The following COX11 variants were observed in gnomAD, a reference collection of about 807,000 sequenced individuals.
The protein encoded by COX11 is cytochrome c oxidase copper chaperone COX11.
COX11 carries 18 observed loss-of-function variants against 29.4 expected under a neutral mutation model. The ratio of observed to expected loss-of-function variants is 0.61; its 90% CI spans 0.42 to 0.91. The LOEUF is 0.91. Among genes scored for constraint, COX11 ranks in the 40% least tolerant of loss-of-function variants. The pLI, the probability that COX11 is intolerant of heterozygous loss-of-function variation, is 0.00. For synonymous variants in COX11, 131 were observed against 124.0 expected, an observed-to-expected ratio of 1.06 and a Z score of -0.38; for missense variants, 312 against 346.0, an observed-to-expected ratio of 0.90 and a Z score of 0.78.
intron 1 of COX11, among the ~76,000 whole-genome samples, chr17:54,967,899 T>C (rs1399034120): frequency 6.6e-6 from 1 of 151,614 alleles, no homozygotes; most frequent in Non-Finnish European, 1.5e-5. Flanking sequence ...AAACCACATG[T>C]GGTTTGCAGA....
In COX11 at chr17:54,967,050, A is replaced by G. The variant is rs1319038812; in HGVS notation, c.366+1231T>C. On this transcript the variant is annotated intron_variant, in intron 1 of 3. Coordinates refer to ENST00000299335, the MANE Select transcript of COX11 (RefSeq NM_004375.5). Reference sequence around the variant, plus strand: ...TAAACGTGCGCGCGCGCGCACACACACACACACACACACACACACACACGG... The same window carrying G: ...TAAACGTGCGCGCGCGCGCACACACGCACACACACACACACACACACACGG... Among the ~76,000 whole-genome samples, 18 of 90,796 alleles carry G rather than the reference A, an allele frequency of 2.0e-4. No homozygotes were observed. The East Asian group carries it at 2.6e-3, about 13-fold the overall frequency. 59.6% of individuals were successfully genotyped at this position (90,796 alleles called of 152,430 possible).
upstream of COX11, chr17:54,968,755 C>G: frequency 1.5e-6 from 2 of 1,308,020 alleles, no homozygotes; most frequent in East Asian, 2.3e-5. Context: ...CCTTGGCTAC[C>G]AGGCTCCTCA....
At chr17:54,959,872 C>T (rs140283847), downstream of COX11, among the ~76,000 whole-genome samples, 1,579 of 152,170 alleles carry the variant, frequency 0.01, 23 homozygotes, top group African/African-American at 0.035. Flanking sequence ...CCACCTCAGC[C>T]TCCCAGAGTG....
Position 54,962,590 on chromosome 17 carries a change from T to C in COX11, c.*143A>G. 1 of 1,352,082 alleles carries C rather than the reference T, an allele frequency of 7.4e-7. No homozygotes were observed. The highest frequency in any genetic ancestry group is 9.5e-7 in the Non-Finnish European group (1 of 1,051,138). 83.8% of individuals were successfully genotyped at this position (1,352,082 alleles called of 1,614,324 possible). ...AAAAGCTGAACTTGTTCTCTCAAGT[T>C]TAAGTGAAAAAAATTAGTTGAGAAA... On this transcript the variant is annotated 3_prime_UTR_variant, in exon 4 of 4. Transcript: ENST00000299335.
At chr17:54,956,766 T>G (rs936546784), downstream of COX11, 1 of 152,146 alleles carries the variant, frequency 6.6e-6, no homozygotes, top group Non-Finnish European at 1.5e-5. Context: ...CTTTGAGCAA[T>G]AGTTTTATTA....
downstream of COX11, among the ~76,000 whole-genome samples, chr17:54,956,414 C>G (rs1022007561): frequency 3.3e-5 from 5 of 152,152 alleles, no homozygotes; most frequent in Admixed American, 6.5e-5. Context: ...AGGCAATTCT[C>G]ATGCCTCAGC....
downstream of COX11, among the ~76,000 whole-genome samples, chr17:54,955,853 G>C (rs1174058669): frequency 6.6e-6 from 1 of 152,128 alleles, no homozygotes; most frequent in East Asian, 1.9e-4. Flanking sequence ...AAAAGGTCTG[G>C]GCTCTAGGCA....
intron 3 of COX11, 181 bp downstream of exon 3, chr17:54,963,125 G>C: frequency 1.3e-6 from 1 of 790,584 alleles, no homozygotes; most frequent in Non-Finnish European, 2.0e-6. Context: ...CTTAAAAGCA[G>C]ATATCCATTT....
chr17:54,955,283 A>G (rs35551341), upstream of COX11: 44,745 of 152,138 alleles, frequency 0.29, 6,911 homozygotes, highest in African/African-American at 0.35. Context: ...CATGGAGACA[A>G]TGAAGTAGTT....
In COX11 at chr17:54,962,840, C is replaced by G. The variant is rs2077153685; in HGVS notation, c.724G>C (p.Glu242Gln). Residue 242 changes from glutamate (E) to glutamine (Q), a missense_variant, in exon 4 of 4, where the codon GAA becomes CAA. Physicochemically the swap from Glu to Gln is conservative, Grantham distance 29. Around this residue, in one of 2 missense-constraint regions of COX11, gnomAD observed 182 missense variants for 240.0 expected, o/e 0.76. Coordinates refer to ENST00000299335, the MANE Select transcript of COX11 (RefSeq NM_004375.5). ...ATCATTCTTGGATCTTCAGCAAATT[C>G]AGGATCAATGTAGAAAAACACTGGC... ...DMPVFFYIDP[E>Q]FAEDPRMIKV... 6.2e-7 allele frequency: 1 copy of G among 1,613,134 alleles called. No individual in the cohort carries two copies. Among genetic ancestry groups the G allele is most frequent in the East Asian group, 2.2e-5 (1 of 44,750 alleles).
At chr17:54,960,380 A>T (rs1026185610), downstream of COX11, among the ~76,000 whole-genome samples, 3 of 152,202 alleles carry the variant, frequency 2.0e-5, no homozygotes, top group Admixed American at 6.5e-5. Context: ...AAAAGAAAAA[A>T]TGAAGTGCAA....
intron 1 of COX11, among the ~76,000 whole-genome samples, chr17:54,967,042 GCACACACACA>G (rs71159276): frequency 1.1e-4 from 11 of 96,122 alleles, no homozygotes; most frequent in East Asian, 7.4e-4. Flanking sequence ...GCGCGCGCGC[GCACACACACA>G]CACACACACA....
intron 1 of COX11, among the ~76,000 whole-genome samples, chr17:54,967,031 T>TGCGCGC (rs34688822): frequency 3.8e-4 from 34 of 90,194 alleles, no homozygotes; most frequent in South Asian, 1.6e-3. Flanking sequence ...TAAATAAACG[T>TGCGCGC]GCGCGCGCGC....
rs1187844858 is a variant in COX11 at position 54,968,352 on chromosome 17, CG to C, written c.294del (p.Tyr98Ter). The C allele has an allele frequency of 6.2e-7, 1 of 1,612,824 alleles. No individual in the cohort carries two copies. Among genetic ancestry groups the C allele is most frequent in the Non-Finnish European group, 8.5e-7 (1 of 1,179,960 alleles). Reference sequence around the variant, plus strand: ...AGCATGCCCACGGCGACAGCGGCCACGTAAGTGAGGGTCGTCTTGTTCTGCC... The same window carrying C: ...AGCATGCCCACGGCGACAGCGGCCACTAAGTGAGGGTCGTCTTGTTCTGCC... Reference protein sequence around the residue: ...RRRQNKTTLTYVAAVAVGMLG... With the variant: ...RRRQNKTTLTXVAAVAVGMLG... On this transcript the variant is annotated frameshift_variant, in exon 1 of 4. Coordinates refer to ENST00000299335, the MANE Select transcript of COX11 (RefSeq NM_004375.5). LOFTEE classifies it high-confidence loss of function.
rs2077185705 is a variant in COX11, at chr17:54,964,565, A to G, written c.522+132T>C. The G allele has an allele frequency of 1.9e-5, 17 of 879,600 alleles. No individual in the cohort carries two copies. The South Asian group carries it at 2.5e-4, about 13-fold the overall frequency. The allele number at this position is 879,600 out of a possible 1,614,324, so 54.5% of individuals were successfully genotyped here. A position where few individuals can be genotyped will look rare whatever the true frequency, so the allele number is the denominator to read the frequency against. ...TTAAGTTACATGATAGTAAAAGTCA[A>G]TTTGGAACAATGGAAAATGCCATGT... On this transcript the variant is annotated intron_variant, in intron 2 of 3. Transcript: ENST00000299335.
exon 1 of COX11, chr17:54,953,760 C>T (rs1426189876): frequency 6.6e-6 from 1 of 152,122 alleles, no homozygotes; most frequent in Non-Finnish European, 1.5e-5. Flanking sequence ...TACTATAGAC[C>T]TTAAAGGAGA....
intron 1 of COX11, 49 bp from the exon 2 acceptor site, chr17:54,964,901 A>T (rs1402982407): frequency 6.4e-7 from 1 of 1,556,490 alleles, no homozygotes; most frequent in Non-Finnish European, 8.8e-7. Context: ...GGTGTTGATG[A>T]TCTATTTATT....
downstream of COX11, among the ~76,000 whole-genome samples, chr17:54,956,285 T>C (rs62073566): frequency 0.017 from 2,607 of 152,100 alleles, 29 homozygotes; most frequent in Middle Eastern, 0.051. Flanking sequence ...GCTGAGACTA[T>C]TGGGGTGTGC....
At chr17:54,955,241 A>G (rs1325429263), upstream of COX11, 2 of 152,240 alleles carry the variant, frequency 1.3e-5, no homozygotes, top group East Asian at 1.9e-4. Context: ...TCCCTGGATC[A>G]TGTTCGGTCC....
Sources: gnomAD v4.1 joint callset for allele counts (sites outside exome capture counted in the v4.1 genomes callset) on GRCh38, gnomAD v4.1.1 for gene constraint, gnomAD v4.1.1 regional missense constraint, MANE v1.5 for transcripts, NCBI Gene and HGNC (gene_info 2026-07-23, HGNC 2026-07-21) for gene names.